The following CCSER1 variants were observed in gnomAD, a reference collection of about 807,000 sequenced individuals.
CCSER1 encodes the protein serine-rich coiled-coil domain-containing protein 1.
CCSER1 carries 41 observed loss-of-function variants against 82.0 expected under a neutral mutation model. The observed-to-expected ratio is 0.50, with a 90% CI of 0.39 to 0.65. The LOEUF is 0.65. Among genes scored for constraint, CCSER1 ranks in the 30% least tolerant of loss-of-function variants. The pLI is 0.00. For synonymous variants in CCSER1, 414 were observed against 383.9 expected (o/e 1.08, Z -0.92); for missense variants, 1,119 against 1,064.2 (o/e 1.05, Z -0.72).
chr4:91,592,530 A>G (rs1177132921), intron 10 of CCSER1, among the ~76,000 whole-genome samples: 1 of 152,172 alleles, frequency 6.6e-6, no homozygotes, highest in Non-Finnish European at 1.5e-5. Context: ...GAACTTATTC[A>G]GAAGACACAT....
intron 3 of CCSER1, among the ~76,000 whole-genome samples, chr4:90,314,705 C>G (rs1170664680): frequency 6.6e-6 from 1 of 151,826 alleles, no homozygotes; most frequent in Non-Finnish European, 1.5e-5. Flanking sequence ...TGAGTTATTG[C>G]ACCACTGCAC....
intron 10 of CCSER1, among the ~76,000 whole-genome samples, chr4:91,156,630 A>C (rs990082776): frequency 2.6e-5 from 4 of 151,826 alleles, no homozygotes; most frequent in African/African-American, 9.7e-5. Context: ...AGCAATGATG[A>C]GGGTCCAACT....
intron 1 of CCSER1, among the ~76,000 whole-genome samples, chr4:90,145,928 A>T (rs1725718369): frequency 6.6e-6 from 1 of 152,056 alleles, no homozygotes; most frequent in African/African-American, 2.4e-5. Flanking sequence ...TGTGACATTG[A>T]CAAATAAACA....
chr4:90,659,285 C>G (rs1380494674), intron 6 of CCSER1, among the ~76,000 whole-genome samples: 1 of 151,962 alleles, frequency 6.6e-6, no homozygotes, highest in Non-Finnish European at 1.5e-5. Flanking sequence ...TCATGCTTGC[C>G]CTAGTGTTTT....
chr4:90,830,677 G>T (rs1241913083), intron 8 of CCSER1, among the ~76,000 whole-genome samples: 1 of 152,010 alleles, frequency 6.6e-6, no homozygotes, highest in Non-Finnish European at 1.5e-5. Flanking sequence ...GCAGTTTTTG[G>T]TTTATTACAC....
chr4:91,021,559 C>A (rs1739968025), intron 9 of CCSER1, among the ~76,000 whole-genome samples: 2 of 152,026 alleles, frequency 1.3e-5, no homozygotes, highest in Non-Finnish European at 2.9e-5. Context: ...AATTATTTTT[C>A]AATTTTTATT....
chr4:90,494,715 C>T (rs1768699551), intron 5 of CCSER1, among the ~76,000 whole-genome samples: 1 of 152,136 alleles, frequency 6.6e-6, no homozygotes, highest in Non-Finnish European at 1.5e-5. Context: ...TTATTGAAGA[C>T]TACCTATTTT....
chr4:91,495,386 T>C (rs1468651106), intron 10 of CCSER1, among the ~76,000 whole-genome samples: 1 of 151,656 alleles, frequency 6.6e-6, no homozygotes, highest in African/African-American at 2.4e-5. Flanking sequence ...TCTTTGATGC[T>C]TCTGGTTCTA....
At chr4:91,186,169 G>C (rs563190858) in intron 10 of CCSER1, among the ~76,000 whole-genome samples, 1 of 152,306 alleles carries the variant, frequency 6.6e-6, no homozygotes, top group African/African-American at 2.4e-5. Context: ...GAAAGATCTG[G>C]AGGGTCTTTT....
intron 1 of CCSER1, among the ~76,000 whole-genome samples, chr4:90,155,575 C>A (rs546131154): frequency 2.6e-5 from 4 of 152,226 alleles, no homozygotes; most frequent in African/African-American, 9.6e-5. Context: ...TTGGTCTATT[C>A]AGAGATTCAA....
At chr4:91,095,472 C>T (rs569576877) in intron 10 of CCSER1, among the ~76,000 whole-genome samples, 14 of 152,226 alleles carry the variant, frequency 9.2e-5, no homozygotes, top group East Asian at 5.8e-4. Context: ...GCTTTCTCAG[C>T]GGCTTGTTAC....
intron 10 of CCSER1, among the ~76,000 whole-genome samples, chr4:91,438,557 A>G (rs1366865322): frequency 6.6e-6 from 1 of 152,194 alleles, no homozygotes; most frequent in Non-Finnish European, 1.5e-5. Flanking sequence ...AAAACTGGAT[A>G]CTCTAAAAAG....
At chr4:90,995,034 T>G (rs1192158260) in intron 9 of CCSER1, among the ~76,000 whole-genome samples, 4 of 152,182 alleles carry the variant, frequency 2.6e-5, no homozygotes, top group Non-Finnish European at 5.9e-5. Context: ...TGCACTCTGA[T>G]CCATAACTTT....
chr4:91,597,714 T>C (rs1220006080), intron 10 of CCSER1, among the ~76,000 whole-genome samples: 1 of 152,136 alleles, frequency 6.6e-6, no homozygotes, highest in East Asian at 1.9e-4. Context: ...CCCTTGTCTG[T>C]TTCTCTTCAT....
chr4:91,145,194 T>G (rs1031970832), intron 10 of CCSER1, among the ~76,000 whole-genome samples: 3 of 152,132 alleles, frequency 2.0e-5, no homozygotes, highest in Non-Finnish European at 4.4e-5. Context: ...CAATTGAAAC[T>G]AATATCGTTA....
intron 10 of CCSER1, among the ~76,000 whole-genome samples, chr4:91,465,002 G>C (rs745545157): frequency 6.6e-6 from 1 of 152,142 alleles, no homozygotes; most frequent in African/African-American, 2.4e-5. Context: ...GCACCAAGTG[G>C]ACCGAATAGA....
At chr4:91,107,400 G>T (rs377493437) in intron 10 of CCSER1, among the ~76,000 whole-genome samples, 1 of 152,044 alleles carries the variant, frequency 6.6e-6, no homozygotes, top group African/African-American at 2.4e-5. Context: ...GACTGCAGGC[G>T]CATGCTACCA....
chr4:90,180,700 T>G (rs904202046), intron 1 of CCSER1, among the ~76,000 whole-genome samples: 1 of 152,164 alleles, frequency 6.6e-6, no homozygotes, highest in African/African-American at 2.4e-5. Context: ...AATTAGCATA[T>G]TCTCTCAGTC....
chr4:91,429,339 T>C (rs1754164257), intron 10 of CCSER1, among the ~76,000 whole-genome samples: 1 of 151,976 alleles, frequency 6.6e-6, no homozygotes, highest in South Asian at 2.1e-4. Flanking sequence ...TAATATATGA[T>C]GGAACAATAA....
Sources: gnomAD v4.1 joint callset for allele counts (sites outside exome capture counted in the v4.1 genomes callset) on GRCh38, gnomAD v4.1.1 for gene constraint, MANE v1.5 for transcripts, NCBI Gene and HGNC (gene_info 2026-07-23, HGNC 2026-07-21) for gene names.